The following SLC2A11 variants were observed in gnomAD, a reference collection of about 807,000 sequenced individuals.
The protein encoded by SLC2A11 is solute carrier family 2, facilitated glucose transporter member 11.
Under a neutral mutation model 52.1 loss-of-function variants are expected in SLC2A11, and 43 were observed. The ratio of observed to expected loss-of-function variants is 0.82; its 90% CI spans 0.65 to 1.06. The LOEUF is 1.06. SLC2A11 is among the 50% of genes least tolerant of loss of function. The pLI, the probability that SLC2A11 is intolerant of heterozygous loss-of-function variation, is 0.00. For synonymous variants in SLC2A11, 261 were observed against 277.6 expected (o/e 0.94, Z 0.59); for missense variants, 582 against 654.2 (o/e 0.89, Z 1.20).
chr22:23,857,742 A>T (rs1601479328), upstream of SLC2A11: 11 of 1,297,676 alleles, frequency 8.5e-6, no homozygotes, highest in East Asian at 5.0e-5. Flanking sequence ...CTCAGGCCTT[A>T]GTCCCGGCCA....
At chr22:23,877,411 C>CCCTCTCCTCTGTGA in intron 5 of SLC2A11, 1 of 801,630 alleles carries the variant, frequency 1.2e-6, no homozygotes, top group Non-Finnish European at 2.2e-6. Context: ...CAGGTCTTCA[C>CCCTCTCCTCTGTGA]AGAGGAGAGG....
chr22:23,861,392 G>A (rs921794396), intron 1 of SLC2A11, among the ~76,000 whole-genome samples: 5 of 151,322 alleles, frequency 3.3e-5, no homozygotes, highest in Non-Finnish European at 5.9e-5. Flanking sequence ...ATCTCTAAGG[G>A]TGTTTCACTG....
intron 6 of SLC2A11, among the ~76,000 whole-genome samples, chr22:23,880,157 G>A (rs1175168966): frequency 6.6e-6 from 1 of 150,988 alleles, no homozygotes; most frequent in Non-Finnish European, 1.5e-5. Context: ...GGTTGCAGTG[G>A]CAGGAGAATT....
chr22:23,857,164 G>C, upstream of SLC2A11: 1 of 984,182 alleles, frequency 1.0e-6, no homozygotes. Flanking sequence ...TGGCCTCCGA[G>C]GTTCTGGCGG....
chr22:23,867,634 C>T (rs2032313908), intron 2 of SLC2A11: 1 of 468,176 alleles, frequency 2.1e-6, no homozygotes, highest in South Asian at 1.6e-5. Context: ...ACCAAAAAGA[C>T]CAAGAGATTA....
In SLC2A11 at chr22:23,883,801, C is replaced by T. The variant is rs140785969; in HGVS notation, c.1023C>T (p.Arg341=). ...SCVVIERVGR[R]VLLIGGYSLM... The stretch of plus-strand genomic sequence containing the variant: ...TGGTAATCGAGAGGGTGGGTCGGCG[C>T]GTGCTGCTCATCGGTGGGTACAGCC... Residue 341 remains arginine (R), a synonymous_variant, in exon 9 of 12, where the codon CGC becomes CGT. Transcript: ENST00000316185. 8.4e-6 allele frequency: 13 copies of T among 1,555,682 alleles called. No homozygotes were observed. Among genetic ancestry groups the T allele is most frequent in the East Asian group, 2.3e-5 (1 of 42,988 alleles).
At chr22:23,857,374 G>T (rs1601477965), upstream of SLC2A11, 2 of 1,543,720 alleles carry the variant, frequency 1.3e-6, no homozygotes, top group Non-Finnish European at 8.8e-7. Context: ...CGAATGCAGG[G>T]GCTTGGCCGA....
rs11284722 is a variant in SLC2A11, at chr22:23,859,492, ATT to A, written c.30+1475_30+1476del. 3.4e-3 allele frequency among the ~76,000 whole-genome samples: 501 copies of A among 147,670 alleles called. 1 individual carries two copies. Among genetic ancestry groups the A allele is most frequent in the Non-Finnish European group, 4.8e-3 (323 of 66,634 alleles). On this transcript the variant is annotated intron_variant, in intron 1 of 11. Coordinates refer to ENST00000316185, the MANE Select transcript of SLC2A11 (RefSeq NM_001024939.4). ...TTCCTGGCTGAGATAAACATTCAGC[ATT>A]TTTTTTTTTTTGAGATGGAGTCTCA...
upstream of SLC2A11, chr22:23,857,064 G>C: frequency 9.5e-7 from 1 of 1,050,702 alleles, no homozygotes; most frequent in South Asian, 1.5e-5. Flanking sequence ...GAACCAAAGT[G>C]TGTGTGTGTG....
upstream of SLC2A11, chr22:23,857,553 C>T: frequency 6.3e-7 from 1 of 1,585,948 alleles, no homozygotes; most frequent in Non-Finnish European, 8.6e-7. Context: ...GCGGCGGCGA[C>T]AAACCCCGCG....
intron 2 of SLC2A11, among the ~76,000 whole-genome samples, chr22:23,863,510 G>A (rs1006152808): frequency 2.6e-5 from 4 of 151,962 alleles, no homozygotes; most frequent in Non-Finnish European, 5.9e-5. Flanking sequence ...TGGGAATGAT[G>A]GGATGTGGGG....
intron 2 of SLC2A11, chr22:23,862,438 T>G: frequency 2.0e-6 from 1 of 494,978 alleles, no homozygotes; most frequent in South Asian, 3.0e-5. Context: ...CACCTAGTGA[T>G]GGGGGGTCAG....
intron 6 of SLC2A11, among the ~76,000 whole-genome samples, chr22:23,878,920 G>A (rs1011274327): frequency 6.6e-6 from 1 of 152,086 alleles, no homozygotes; most frequent in Non-Finnish European, 1.5e-5. Flanking sequence ...AGCATGCAAT[G>A]GTAAAAAGTA....
Position 23,882,463 on chromosome 22 carries a change from A to G in SLC2A11, c.699A>G (p.Leu233=), listed in dbSNP as rs375304001. The G allele has an allele frequency of 5.8e-6, 9 of 1,539,160 alleles. No homozygotes were observed. Among genetic ancestry groups the G allele is most frequent in the East Asian group, 2.4e-5 (1 of 40,990 alleles). The change falls in exon 7 of 12, where the codon CTA becomes CTG. Residue 233 remains leucine (L), a synonymous_variant. Transcript: ENST00000316185. Reference sequence around the variant, plus strand: ...GTACCCTCCTCCCTGGCTCAGCACTACGGCGGCTCCGGGGCTCCGGGGACT... The same window carrying G: ...GTACCCTCCTCCCTGGCTCAGCACTGCGGCGGCTCCGGGGCTCCGGGGACT... The part of the protein sequence containing the change: ...CGDTEACLAA[L]RRLRGSGDLA...
chr22:23,863,320 C>T (rs2032139610), intron 2 of SLC2A11, among the ~76,000 whole-genome samples: 1 of 152,210 alleles, frequency 6.6e-6, no homozygotes, highest in Non-Finnish European at 1.5e-5. Context: ...TCCATCTCCT[C>T]TCTCCTGCTG....
At chr22:23,877,403 G>C (rs2032652684) in intron 5 of SLC2A11, 1 of 815,390 alleles carries the variant, frequency 1.2e-6, no homozygotes, top group Non-Finnish European at 2.1e-6. Context: ...GCAAAGAACA[G>C]GTCTTCACAG....
chr22:23,873,385 ATTAT>A (rs2032521430), intron 3 of SLC2A11: 1 of 149,306 alleles, frequency 6.7e-6, no homozygotes. Flanking sequence ...GAATTTATTT[ATTAT>A]TTATTTATTA....
chr22:23,875,834 A>G (rs2032598404), intron 4 of SLC2A11, among the ~76,000 whole-genome samples: 1 of 152,210 alleles, frequency 6.6e-6, no homozygotes, highest in South Asian at 2.1e-4. Flanking sequence ...AACATTTATA[A>G]TCTCACAGTT....
intron 1 of SLC2A11, 23 bp from the exon 2 acceptor site, chr22:23,862,081 T>G: frequency 6.2e-7 from 1 of 1,609,162 alleles, no homozygotes; most frequent in Non-Finnish European, 8.5e-7. Context: ...TTGGTCACTC[T>G]GTGTTCTCTC....
Sources: gnomAD v4.1 joint callset for allele counts (sites outside exome capture counted in the v4.1 genomes callset) on GRCh38, gnomAD v4.1.1 for gene constraint, MANE v1.5 for transcripts, NCBI Gene and HGNC (gene_info 2026-07-23, HGNC 2026-07-21) for gene names.